The following SLC25A35 variants were observed in gnomAD, a reference collection of about 807,000 sequenced individuals.
SLC25A35 encodes solute carrier family 25 member 35.
In SLC25A35, 32 loss-of-function variants were observed where a neutral mutation model predicts 30.5. That is an observed-to-expected ratio of 1.05 (90% CI 0.79 to 1.41). The LOEUF (loss-of-function observed/expected upper bound fraction) is 1.41. Ranked by LOEUF, SLC25A35 falls within the 40% of genes most tolerant of loss-of-function variation. SLC25A35 has a pLI of 0.00. For missense variants in SLC25A35, 369 were observed against 388.0 expected (o/e 0.95, Z 0.41); for synonymous variants, 142 against 158.1 (o/e 0.90, Z 0.77).
intron 2 of SLC25A35, 22 bp from the exon 3 acceptor site, chr17:8,291,507 G>C: frequency 6.3e-7 from 1 of 1,594,364 alleles, no homozygotes; most frequent in South Asian, 1.1e-5. Flanking sequence ...AAGACCGGGG[G>C]TGGGGTTCAG....
chr17:8,294,217 A>G (rs1990709024), intron 1 of SLC25A35, among the ~76,000 whole-genome samples: 1 of 152,200 alleles, frequency 6.6e-6, no homozygotes, highest in Admixed American at 6.5e-5. Context: ...ACCCGGCCCC[A>G]AAGCCCATAA....
downstream of SLC25A35, chr17:8,288,913 G>C: frequency 6.2e-7 from 1 of 1,613,930 alleles, no homozygotes; most frequent in Non-Finnish European, 8.5e-7. Context: ...TGGGTTGTGG[G>C]AAGAGACCGG....
chr17:8,294,804 C>T lies in SLC25A35; in HGVS notation c.4G>A (p.Asp2Asn). M[D>N]FLMSGLAACG... The stretch of plus-strand genomic sequence containing the variant: ...GCTGCCAGGCCACTCATCAAGAAGT[C>T]CATGGTGGGATAGCTGTAGCAGGAA... Residue 2 changes from aspartate (D) to asparagine (N), a missense_variant, in exon 1 of 5, where the codon GAC (aspartate) becomes AAC (asparagine). Coordinates refer to ENST00000577745, the MANE Select transcript of SLC25A35 (RefSeq NM_001320870.2). 6.4e-7 allele frequency: 1 copy of T among 1,573,414 alleles called. No individual in the cohort carries two copies. Among genetic ancestry groups the T allele is most frequent in the South Asian group, 1.2e-5 (1 of 86,060 alleles).
intron 2 of SLC25A35, among the ~76,000 whole-genome samples, chr17:8,292,168 C>G (rs1195119794): frequency 3.3e-5 from 5 of 151,920 alleles, no homozygotes; most frequent in Non-Finnish European, 5.9e-5. Context: ...GGCAACAGAG[C>G]AAGACTCTGT....
At chr17:8,294,390 G>A (rs1269108202) in intron 1 of SLC25A35, 43 bp downstream of exon 1, 5 of 1,511,658 alleles carry the variant, frequency 3.3e-6, no homozygotes, top group South Asian at 1.3e-5. Context: ...ATCCTACAAC[G>A]AGGATCTGCC....
At chr17:8,289,055 G>T, downstream of SLC25A35, 1 of 1,613,790 alleles carries the variant, frequency 6.2e-7, no homozygotes, top group Non-Finnish European at 8.5e-7. Flanking sequence ...CCCACGTACG[G>T]GGCGAAGCGG....
At position 8,294,886 on chromosome 17, in the gene SLC25A35, G is replaced by A. The variant is rs1934274111; in HGVS notation, c.-79C>T. On this transcript the variant is annotated 5_prime_UTR_variant, in exon 1 of 5. Coordinates refer to ENST00000577745, the MANE Select transcript of SLC25A35 (RefSeq NM_001320870.2). Reference sequence around the variant, plus strand: ...GTCAGAAAGCGGGGTTGGAAGACAGGGGGAAGGCCTGTTTCAGCAGTACAG... The same window carrying A: ...GTCAGAAAGCGGGGTTGGAAGACAGAGGGAAGGCCTGTTTCAGCAGTACAG... 4 of 1,508,720 alleles carry A rather than the reference G, an allele frequency of 2.7e-6. No homozygotes were observed. The highest frequency in any genetic ancestry group is 2.2e-5 in the Admixed American group (1 of 44,578). 93.5% of individuals were successfully genotyped at this position (1,508,720 alleles called of 1,614,324 possible). A position where few individuals can be genotyped will look rare whatever the true frequency, so the allele number is the denominator to read the frequency against.
At chr17:8,288,689 G>C, downstream of SLC25A35, 1 of 1,334,882 alleles carries the variant, frequency 7.5e-7, no homozygotes, top group South Asian at 1.2e-5. Context: ...GCCAGACCCG[G>C]GTGGCGGTGG....
At chr17:8,292,737 G>A in intron 1 of SLC25A35, 149 bp from the exon 2 acceptor site, 2 of 725,938 alleles carry the variant, frequency 2.8e-6, no homozygotes, top group East Asian at 2.7e-5. Flanking sequence ...TAACAAACTG[G>A]TTAACAAAAA....
At chr17:8,292,822 C>G (rs1054576202) in intron 1 of SLC25A35, among the ~76,000 whole-genome samples, 1 of 152,164 alleles carries the variant, frequency 6.6e-6, no homozygotes, top group Non-Finnish European at 1.5e-5. Context: ...CCTTCATATC[C>G]TCTTTCCCTT....
chr17:8,289,086 C>T (rs375629912), downstream of SLC25A35: 276 of 1,612,510 alleles, frequency 1.7e-4, no homozygotes, highest in Non-Finnish European at 2.2e-4. Context: ...AGGGAATGGC[C>T]CCCGGCTGGC....
Position 8,294,518 on chromosome 17 carries a change from T to C in SLC25A35, c.290A>G (p.Glu97Gly), listed in dbSNP as rs1436683391. 1.2e-6 allele frequency: 2 copies of C among 1,613,724 alleles called. No homozygotes were observed. Among genetic ancestry groups the C allele is most frequent in the South Asian group, 2.2e-5 (2 of 91,080 alleles). The change falls in exon 1 of 5, where the codon GAA becomes GGA. Residue 97 changes from glutamate (E) to glycine (G), a missense_variant. Glu to Gly is a moderately conservative substitution (Grantham distance 98). Coordinates refer to ENST00000577745, the MANE Select transcript of SLC25A35 (RefSeq NM_001320870.2). ...AEAGGYLHTA[E>G]GTHSPARSAA... ...GCTGCGGGCAGGACTGTGGGTGCCT[T>C]CGGCTGTGTGCAGGTAGCCCCCAGC...
downstream of SLC25A35, chr17:8,288,626 T>C (rs1990226353): frequency 1.2e-5 from 10 of 812,938 alleles, no homozygotes; most frequent in Middle Eastern, 2.3e-4. Context: ...TTGGCGCCGA[T>C]TGGCCAACGA....
intron 1 of SLC25A35, among the ~76,000 whole-genome samples, chr17:8,294,121 T>C (rs1990700034): frequency 6.6e-6 from 1 of 151,528 alleles, no homozygotes; most frequent in Admixed American, 6.6e-5. Context: ...TTCACTGTGT[T>C]AGCCAGGATG....
chr17:8,290,319 A>G lies in SLC25A35; in HGVS notation c.*186T>C. The G allele has an allele frequency of 1.4e-6, 2 of 1,432,228 alleles. No individual in the cohort carries two copies. The highest frequency in any genetic ancestry group is 1.8e-6 in the Non-Finnish European group (2 of 1,098,710). The allele number at this position is 1,432,228 out of a possible 1,614,324, so 88.7% of individuals were successfully genotyped here. A position where few individuals can be genotyped will look rare whatever the true frequency, so the allele number is the denominator to read the frequency against. ...GGAATGGGTAGGGAAGGTTTAAAGC[A>G]ACACCCAAGGAAAGAAGGGAAACTC... On this transcript the variant is annotated 3_prime_UTR_variant, in exon 5 of 5. Transcript: ENST00000577745.
At chr17:8,291,140 C>T (rs1567660343) in intron 3 of SLC25A35, among the ~76,000 whole-genome samples, 164 bp from the exon 4 acceptor site, 1 of 152,174 alleles carries the variant, frequency 6.6e-6, no homozygotes, top group Admixed American at 6.5e-5. Context: ...CCAGGGTACC[C>T]TGAAGGCTCA....
downstream of SLC25A35, chr17:8,289,397 G>A (rs1455399884): frequency 1.2e-6 from 2 of 1,613,954 alleles, no homozygotes; most frequent in Admixed American, 1.7e-5. Flanking sequence ...GCAGCAGATA[G>A]CTAAGGAAAA....
Position 8,290,308 on chromosome 17 carries a change from A to G in SLC25A35, c.*197T>C. On this transcript the variant is annotated 3_prime_UTR_variant, in exon 5 of 5. Transcript: ENST00000577745. ...GAGTTACCCAGGGAATGGGTAGGGA[A>G]GGTTTAAAGCAACACCCAAGGAAAG... The G allele has an allele frequency of 4.2e-6, 6 of 1,429,902 alleles. No homozygotes were observed. The highest frequency in any genetic ancestry group is 1.4e-5 in the African/African-American group (1 of 69,662). The allele number at this position is 1,429,902 out of a possible 1,614,324, so 88.6% of individuals were successfully genotyped here.
At chr17:8,291,532 G>A (rs1320677795) in intron 2 of SLC25A35, 47 bp from the exon 3 acceptor site, 9 of 1,556,278 alleles carry the variant, frequency 5.8e-6, no homozygotes, top group Non-Finnish European at 7.8e-6. Context: ...CCCAGCATCA[G>A]GGGCTGCCAT....
Sources: allele counts gnomAD v4.1 joint callset (sites outside exome capture counted in the v4.1 genomes callset), GRCh38; gene constraint gnomAD v4.1.1; transcripts MANE v1.5; gene names NCBI Gene and HGNC (gene_info 2026-07-23, HGNC 2026-07-21).